PCDHGA4: variants seen among roughly 807,000 people sequenced by gnomAD.
PCDHGA4 encodes the protein protocadherin gamma-A4.
A neutral mutation model predicts 54.6 loss-of-function variants in PCDHGA4; 38 were observed. The observed-to-expected ratio is 0.70, with a 90% confidence interval of 0.54 to 0.91. The LOEUF is 0.91. PCDHGA4 is among the 40% of genes least tolerant of loss of function. The probability of loss-of-function intolerance (pLI) is 0.00; values close to 1 mark genes in which losing one functional copy is unlikely to be tolerated. For synonymous variants in PCDHGA4, 511 were observed against 512.9 expected (o/e 1.00, Z 0.05); for missense variants, 1,298 against 1,220.9 (o/e 1.06, Z -0.94).
At chr5:141,414,059 A>C (rs1008514691) in intron 1 of PCDHGA4, 1 of 1,609,440 alleles carries the variant, frequency 6.2e-7, no homozygotes, top group East Asian at 2.2e-5. Flanking sequence ...CAATTGTTGA[A>C]GTTCCAACTA....
At chr5:141,375,681 C>T in intron 1 of PCDHGA4, 4 of 1,614,270 alleles carry the variant, frequency 2.5e-6, no homozygotes, top group Non-Finnish European at 3.4e-6. Flanking sequence ...CTGTGGGTGA[C>T]AGCCAGCGAC....
intron 1 of PCDHGA4, among the ~76,000 whole-genome samples, chr5:141,460,653 G>A (rs10058370): frequency 0.17 from 25,559 of 151,914 alleles, 2,196 homozygotes; most frequent in South Asian, 0.22. Flanking sequence ...TTACACATAT[G>A]TAACTGTAAA....
Position 141,404,690 on chromosome 5 carries a change from C to T in PCDHGA4, c.2514+47069C>T, listed in dbSNP as rs199517824. The T allele has an allele frequency of 1.9e-4, 304 of 1,613,808 alleles. 1 individual carries two copies. Among genetic ancestry groups the T allele is most frequent in the Non-Finnish European group, 2.1e-4 (250 of 1,179,844 alleles). On this transcript the variant is annotated intron_variant, in intron 1 of 3. Coordinates refer to ENST00000571252, the MANE Select transcript of PCDHGA4 (RefSeq NM_018917.4). ...TTCTACTGGTGTGGAGCTGGCACCC[C>T]GCTCTGCAGAGCCTGGCTACCTGGT...
chr5:141,378,847 A>G (rs1235220529), intron 1 of PCDHGA4: 2 of 152,214 alleles, frequency 1.3e-5, no homozygotes, highest in Non-Finnish European at 2.9e-5. Flanking sequence ...AGAGTTTTTG[A>G]CTGTCAATGA....
At chr5:141,400,802 A>C in intron 1 of PCDHGA4, 1 of 557,534 alleles carries the variant, frequency 1.8e-6, no homozygotes, top group Non-Finnish European at 3.1e-6. Context: ...TCTCAAAGCT[A>C]ATGAATTTTA....
intron 1 of PCDHGA4, among the ~76,000 whole-genome samples, chr5:141,472,967 C>G (rs1040253926): frequency 1.7e-5 from 1 of 58,336 alleles, no homozygotes; most frequent in South Asian, 5.1e-4. Flanking sequence ...GCCTGGGGAA[C>G]AAGAGTGAAA....
intron 1 of PCDHGA4, among the ~76,000 whole-genome samples, chr5:141,449,413 C>G (rs2098637966): frequency 6.6e-6 from 1 of 151,656 alleles, no homozygotes; most frequent in African/African-American, 2.4e-5. Flanking sequence ...TCAAGACCAG[C>G]CTGGCCAACA....
At chr5:141,364,846 C>A in intron 1 of PCDHGA4, 5 of 1,613,994 alleles carry the variant, frequency 3.1e-6, no homozygotes, top group Non-Finnish European at 4.2e-6. Flanking sequence ...GTTACCAGCT[C>A]AGCTCCAATC....
At position 141,491,413 on chromosome 5, in the gene PCDHGA4, G is replaced by A. The variant is rs1193417991; in HGVS notation, c.2515-3394G>A. 5.6e-6 allele frequency: 9 copies of A among 1,613,946 alleles called. No individual in the cohort carries two copies. Among genetic ancestry groups the A allele is most frequent in the Non-Finnish European group, 7.6e-6 (9 of 1,179,986 alleles). On this transcript the variant is annotated intron_variant, in intron 1 of 3. Transcript: ENST00000571252. The surrounding 1 kb of genome is among the most constrained non-coding windows in gnomAD (Gnocchi z 6.9). Reference sequence around the variant, plus strand: ...CCTTCAGGGAAACGCAGACGGGGACGGGGGTGGAGGGCAGTGCTGCAGGCG... The same window carrying A: ...CCTTCAGGGAAACGCAGACGGGGACAGGGGTGGAGGGCAGTGCTGCAGGCG...
intron 1 of PCDHGA4, among the ~76,000 whole-genome samples, chr5:141,458,758 G>T (rs1473104567): frequency 1.3e-5 from 2 of 150,844 alleles, no homozygotes; most frequent in Non-Finnish European, 3.0e-5. Context: ...TTTGAGACAG[G>T]GTCTTGCTGT....
chr5:141,487,689 A>G lies in PCDHGA4; in HGVS notation c.2515-7118A>G. 6.2e-7 allele frequency: 1 copy of G among 1,605,144 alleles called. No homozygotes were observed. The highest frequency in any genetic ancestry group is 1.7e-4 in the Middle Eastern group (1 of 6,050). ...GGCATATGGCTAGGCCATGTCCTAG[A>G]GAGTACTGGCCTCTCAGTAAGTGCC... On this transcript the variant is annotated intron_variant, in intron 1 of 3. Coordinates refer to ENST00000571252, the MANE Select transcript of PCDHGA4 (RefSeq NM_018917.4). This position sits in a 1 kb window ranked among gnomAD's most constrained non-coding sequence, Gnocchi z 5.0.
At chr5:141,387,885 A>C (rs748815627) in intron 1 of PCDHGA4, 1 of 1,578,800 alleles carries the variant, frequency 6.3e-7, no homozygotes, top group Non-Finnish European at 8.6e-7. Flanking sequence ...AGCAAGAGGG[A>C]TGGGGAGCGG....
At chr5:141,394,348 G>C (rs1376364642) in intron 1 of PCDHGA4, 2 of 1,614,050 alleles carry the variant, frequency 1.2e-6, no homozygotes, top group Non-Finnish European at 1.7e-6. Flanking sequence ...TCTGACACCG[G>C]TGTCCTGTAT....
At chr5:141,458,434 G>T (rs535464730) in intron 1 of PCDHGA4, among the ~76,000 whole-genome samples, 1 of 152,198 alleles carries the variant, frequency 6.6e-6, no homozygotes, top group African/African-American at 2.4e-5. Context: ...GAAAGAGGAG[G>T]TCCCCCACAT....
intron 1 of PCDHGA4, among the ~76,000 whole-genome samples, chr5:141,460,981 G>A (rs35435563): frequency 1.6e-4 from 20 of 121,900 alleles, no homozygotes; most frequent in African/African-American, 3.7e-4. Context: ...GTGTGTGTGT[G>A]TGTATATATA....
At position 141,511,005 on chromosome 5, in the gene PCDHGA4, C is replaced by T; in HGVS notation, c.2721C>T (p.Ala907=). ...GGGAGTMGLS[A]RYGPQFTLQH... The stretch of plus-strand genomic sequence containing the variant: ...GTGCCGGCACCATGGGATTGAGCGC[C>T]CGCTACGGACCCCAGTTCACCCTGC... Residue 907 remains alanine, a synonymous_variant, in exon 4 of 4, where the codon GCC becomes GCT. Coordinates refer to ENST00000571252, the MANE Select transcript of PCDHGA4 (RefSeq NM_018917.4). The T allele has an allele frequency of 6.2e-7, 1 of 1,614,176 alleles. No individual in the cohort carries two copies.
intron 1 of PCDHGA4, among the ~76,000 whole-genome samples, chr5:141,472,718 G>A (rs980710833): frequency 1.3e-5 from 2 of 152,002 alleles, no homozygotes; most frequent in Non-Finnish European, 2.9e-5. Context: ...AGGCGCTGTG[G>A]CTCACACCTG....
intron 2 of PCDHGA4, among the ~76,000 whole-genome samples, chr5:141,498,091 C>G (rs2099781521): frequency 6.6e-6 from 1 of 152,156 alleles, no homozygotes; most frequent in African/African-American, 2.4e-5. Context: ...AGAATTGTAT[C>G]TGGTGGTGTG....
chr5:141,422,492 C>G (rs747903569), intron 1 of PCDHGA4: 10 of 1,613,934 alleles, frequency 6.2e-6, no homozygotes, highest in Non-Finnish European at 8.5e-6. Flanking sequence ...TACAATATAA[C>G]GTTGACAGCC....
Sources: gnomAD v4.1 joint callset for allele counts (sites outside exome capture counted in the v4.1 genomes callset) on GRCh38, gnomAD v4.1.1 for gene constraint, Gnocchi (gnomAD v3.1) non-coding constraint, MANE v1.5 for transcripts, NCBI Gene and HGNC (gene_info 2026-07-23, HGNC 2026-07-21) for gene names.